Variants in LPIN1 observed in about 807,000 individuals in gnomAD.
LPIN1 encodes phosphatidate phosphatase LPIN1.
In LPIN1, 71 loss-of-function variants were observed where a neutral mutation model predicts 107.5. That is an observed-to-expected ratio of 0.66 (90% CI 0.55 to 0.80). The LOEUF is 0.80. Ranked by LOEUF, LPIN1 falls within the 30% of genes least tolerant of loss-of-function variation. The pLI, the probability that LPIN1 is intolerant of heterozygous loss-of-function variation, is 0.00. For missense variants in LPIN1, 1,043 were observed against 1,160.6 expected (o/e 0.90, Z 1.47); for synonymous variants, 445 against 452.6 (o/e 0.98, Z 0.21).
At chr2:11,804,791 G>A (rs1456400459) in intron 16 of LPIN1, among the ~76,000 whole-genome samples, 1 of 152,126 alleles carries the variant, frequency 6.6e-6, no homozygotes, top group Non-Finnish European at 1.5e-5. Flanking sequence ...CGACTTGGTT[G>A]CTTCTGTGGG....
At chr2:11,759,225 T>G (rs1669230826) in intron 1 of LPIN1, among the ~76,000 whole-genome samples, 1 of 151,368 alleles carries the variant, frequency 6.6e-6, no homozygotes, top group African/African-American at 2.4e-5. Context: ...GGGTGTTTCT[T>G]GCAGAGGGGG....
intron 1 of LPIN1, among the ~76,000 whole-genome samples, chr2:11,753,736 TTG>T (rs1372512933): frequency 6.6e-6 from 1 of 152,232 alleles, no homozygotes; most frequent in Non-Finnish European, 1.5e-5. Context: ...GACTTCCTCT[TTG>T]CCGTAAGTGT....
intron 14 of LPIN1, among the ~76,000 whole-genome samples, chr2:11,797,735 G>T (rs920342133): frequency 6.6e-6 from 1 of 152,202 alleles, no homozygotes. Flanking sequence ...CTGGCTCATA[G>T]GCAGAGGGGA....
intron 12 of LPIN1, among the ~76,000 whole-genome samples, chr2:11,789,391 ATG>A (rs1296285579): frequency 6.6e-6 from 1 of 150,898 alleles, no homozygotes; most frequent in Non-Finnish European, 1.5e-5. Context: ...GCATGCGGGT[ATG>A]TGTGCATGCT....
At chr2:11,819,349 C>T in intron 18 of LPIN1, 135 bp from the exon 19 acceptor site, 1 of 678,136 alleles carries the variant, frequency 1.5e-6, no homozygotes, top group Non-Finnish European at 2.7e-6. Flanking sequence ...TGGGATGTCT[C>T]AGCTGCCTGA....
At chr2:11,700,745 G>A (rs1662829397) in intron 1 of LPIN1, among the ~76,000 whole-genome samples, 1 of 152,132 alleles carries the variant, frequency 6.6e-6, no homozygotes, top group African/African-American at 2.4e-5. Context: ...ACGTCCCCCT[G>A]GGCAGAGAGA....
At chr2:11,766,689 G>A (rs1174709561) in intron 2 of LPIN1, among the ~76,000 whole-genome samples, 1 of 152,176 alleles carries the variant, frequency 6.6e-6, no homozygotes. Flanking sequence ...GTGGAGCAGA[G>A]GAAGGGAAAA....
At chr2:11,699,792 T>G (rs1032009496) in intron 1 of LPIN1, among the ~76,000 whole-genome samples, 4 of 151,778 alleles carry the variant, frequency 2.6e-5, no homozygotes, top group African/African-American at 9.7e-5. Context: ...GCAAGCAAAG[T>G]GATATAAGCA....
chr2:11,727,676 G>A (rs545006523), intron 1 of LPIN1, among the ~76,000 whole-genome samples: 2 of 152,270 alleles, frequency 1.3e-5, no homozygotes, highest in Non-Finnish European at 2.9e-5. Context: ...TAAAGTCCAC[G>A]AGTTTATATC....
intron 11 of LPIN1, 36 bp downstream of exon 11, chr2:11,787,203 T>C (rs1384944105): frequency 3.0e-6 from 4 of 1,345,544 alleles, no homozygotes; most frequent in East Asian, 2.3e-5. Context: ...GGCAGTAGCA[T>C]GATACTGTTT....
chr2:11,753,315 T>A (rs1006857801), intron 1 of LPIN1, among the ~76,000 whole-genome samples: 1 of 152,244 alleles, frequency 6.6e-6, no homozygotes. Flanking sequence ...GCCTCTGACC[T>A]GCAGGCCTTT....
At chr2:11,700,468 GCTCT>G (rs147476201) in intron 1 of LPIN1, among the ~76,000 whole-genome samples, 12 of 147,578 alleles carry the variant, frequency 8.1e-5, no homozygotes, top group East Asian at 2.0e-4. Flanking sequence ...CTCTCTCTCA[GCTCT>G]CTCTCTCTCT....
intron 8 of LPIN1, among the ~76,000 whole-genome samples, chr2:11,783,136 G>A (rs527517934): frequency 9.9e-5 from 15 of 152,246 alleles, no homozygotes; most frequent in African/African-American, 2.6e-4. Context: ...CAGCAGCTTC[G>A]TGTGGTTTTC....
rs964668746 is a variant in LPIN1 at position 11,715,178 on chromosome 2, T to C, written c.138+1366T>C. ...GGTGGGAGCGCAGGCCACATAGTCATGGAGGCGGCCTCGGGCAGCTTCCCG... is the reference window on the plus strand; with the variant it reads ...GGTGGGAGCGCAGGCCACATAGTCACGGAGGCGGCCTCGGGCAGCTTCCCG... On this transcript the variant is annotated intron_variant, in intron 2 of 21. Transcript: ENST00000449576. Among the ~76,000 whole-genome samples, 4 of 152,166 alleles carry C rather than the reference T, an allele frequency of 2.6e-5. No homozygotes were observed. The East Asian group carries it at 5.8e-4, about 22-fold the overall frequency.
rs62114969 is a variant in LPIN1 at position 11,812,979 on chromosome 2, G to A, written c.2250-2109G>A. On this transcript the variant is annotated intron_variant, in intron 17 of 20. Transcript: ENST00000674199. ...GGGCTGGGGGTAGGTAGACACCAAC[G>A]GGGCCCCTGAGGGTTTGACGTCACA... Among the ~76,000 whole-genome samples the A allele has an allele frequency of 2.6e-3, 391 of 152,248 alleles. 3 individuals carry two copies. The highest frequency in any genetic ancestry group is 9.4e-3 in the South Asian group (45 of 4,812).
At chr2:11,809,717 A>C (rs765169601) in intron 17 of LPIN1, among the ~76,000 whole-genome samples, 1 of 152,320 alleles carries the variant, frequency 6.6e-6, no homozygotes, top group South Asian at 2.1e-4. Context: ...CGCCCGGCCT[A>C]GATCTTTTTT....
Position 11,727,829 on chromosome 2 carries a change from A to C in LPIN1, c.-72+3290A>C, listed in dbSNP as rs146446941. Reference sequence around the variant, plus strand: ...CAATCCTAGTACCCAAATAAAGTACAGTTAGCCCTCCATATCCACCAGTTC... The same window carrying C: ...CAATCCTAGTACCCAAATAAAGTACCGTTAGCCCTCCATATCCACCAGTTC... On this transcript the variant is annotated intron_variant, in intron 1 of 21. Coordinates refer to the LPIN1 transcript ENST00000396097. 4.5e-3 allele frequency among the ~76,000 whole-genome samples: 684 copies of C among 152,332 alleles called. 4 individuals are homozygous for C. Among genetic ancestry groups the C allele is most frequent in the African/African-American group, 0.015 (642 of 41,566 alleles).
intron 14 of LPIN1, 56 bp downstream of exon 14, chr2:11,795,543 G>T (rs1368217852): frequency 1.5e-5 from 22 of 1,454,676 alleles, no homozygotes; most frequent in Non-Finnish European, 2.0e-5. Flanking sequence ...CCAAGTTCAT[G>T]GCGTGTGCTG....
intron 1 of LPIN1, among the ~76,000 whole-genome samples, chr2:11,691,356 C>T (rs1207478506): frequency 6.6e-6 from 1 of 152,174 alleles, no homozygotes; most frequent in African/African-American, 2.4e-5. Flanking sequence ...CCTCTATTGC[C>T]TTGGCCCTAA....
Sources: gnomAD v4.1 joint callset for allele counts (sites outside exome capture counted in the v4.1 genomes callset) on GRCh38, gnomAD v4.1.1 for gene constraint, MANE v1.5 for transcripts, NCBI Gene and HGNC (gene_info 2026-07-23, HGNC 2026-07-21) for gene names.